Variants in KCNQ1 observed in about 807,000 individuals in gnomAD.
KCNQ1 encodes the protein potassium voltage-gated channel subfamily Q member 1.
A neutral mutation model predicts 72.4 loss-of-function variants in KCNQ1; 49 were observed. The ratio of observed to expected loss-of-function variants is 0.68; its 90% CI spans 0.54 to 0.86. The LOEUF is 0.86. Among genes scored for constraint, KCNQ1 ranks in the 40% least tolerant of loss-of-function variants. The pLI, the probability that KCNQ1 is intolerant of heterozygous loss-of-function variation, is 0.00. For synonymous variants in KCNQ1, 450 were observed against 412.6 expected (o/e 1.09, Z -1.10); for missense variants, 790 against 945.1 (o/e 0.84, Z 2.15).
At chr11:2,802,103 G>A (rs1019425738) in intron 15 of KCNQ1, among the ~76,000 whole-genome samples, 1 of 152,220 alleles carries the variant, frequency 6.6e-6, no homozygotes, top group Non-Finnish European at 1.5e-5. Context: ...GGCCCAGGAC[G>A]TGCTGAGGGT....
At chr11:2,718,008 A>G (rs930451752) in intron 11 of KCNQ1, among the ~76,000 whole-genome samples, 13 of 152,356 alleles carry the variant, frequency 8.5e-5, no homozygotes, top group Admixed American at 7.2e-4. Flanking sequence ...CTGTCGCAGA[A>G]GTGAACCTTG....
At chr11:2,802,888 C>A (rs1334121308) in intron 15 of KCNQ1, among the ~76,000 whole-genome samples, 1 of 152,206 alleles carries the variant, frequency 6.6e-6, no homozygotes, top group African/African-American at 2.4e-5. Flanking sequence ...AAGCCCCCAG[C>A]CCCAGCAGAC....
chr11:2,480,243 C>T (rs1327122204), intron 1 of KCNQ1, among the ~76,000 whole-genome samples: 3 of 152,288 alleles, frequency 2.0e-5, no homozygotes, highest in Non-Finnish European at 2.9e-5. Context: ...ATCTTTACAG[C>T]CGCACCCCAC....
chr11:2,550,666 A>C lies in KCNQ1; in HGVS notation c.478-19962A>C, dbSNP rs1026913071. 2.0e-5 allele frequency among the ~76,000 whole-genome samples: 3 copies of C among 152,150 alleles called. No individual in the cohort carries two copies. The highest frequency in any genetic ancestry group is 7.2e-5 in the African/African-American group (3 of 41,422). ...GTGCTGGGGTGGCGAGTTGAGGGCC[A>C]ACAGAGATGGTGTCCCGGCTGATGT... On this transcript the variant is annotated intron_variant, in intron 2 of 15. Coordinates refer to ENST00000155840, the MANE Select transcript of KCNQ1 (RefSeq NM_000218.3). This position sits in a 1 kb window ranked among gnomAD's most constrained non-coding sequence, Gnocchi z 6.0.
Position 2,752,654 on chromosome 11 carries a change from A to C in KCNQ1, c.1515-16190A>C, listed in dbSNP as rs546733880. Among the ~76,000 whole-genome samples, 1 of 152,054 alleles carries C rather than the reference A, an allele frequency of 6.6e-6. No individual in the cohort carries two copies. Among genetic ancestry groups the C allele is most frequent in the African/African-American group, 2.4e-5 (1 of 41,388 alleles). On this transcript the variant is annotated intron_variant, in intron 11 of 15. Coordinates refer to ENST00000155840, the MANE Select transcript of KCNQ1 (RefSeq NM_000218.3). This position sits in a 1 kb window ranked among gnomAD's most constrained non-coding sequence, Gnocchi z 5.2. The stretch of plus-strand genomic sequence containing the variant: ...ACAAGCTCCCTCAGGCCTCCTTTCC[A>C]AGGGCACGCATCCTCTTCCTGAAGG...
chr11:2,615,387 C>CTGTT (rs1385429934), intron 10 of KCNQ1: 1 of 397,746 alleles, frequency 2.5e-6, no homozygotes, highest in South Asian at 1.3e-4. Flanking sequence ...ATTCATTTAC[C>CTGTT]TGTTTGTTTA....
chr11:2,715,813 C>T lies in KCNQ1; in HGVS notation c.1515-53031C>T, dbSNP rs975155381. On this transcript the variant is annotated intron_variant, in intron 11 of 15. Coordinates refer to ENST00000155840, the MANE Select transcript of KCNQ1 (RefSeq NM_000218.3). The surrounding 1 kb of genome is among the most constrained non-coding windows in gnomAD (Gnocchi z 4.9). ...GGAGCAGCCCCGCATCCCACATCCC[C>T]GCAGCCTTGCGCTGGTCTAAATGCC... 1.1e-4 allele frequency among the ~76,000 whole-genome samples: 16 copies of T among 152,352 alleles called. No homozygotes were observed. The highest frequency in any genetic ancestry group is 3.4e-3 in the Middle Eastern group (1 of 294).
intron 1 of KCNQ1, among the ~76,000 whole-genome samples, chr11:2,470,492 C>T (rs531860181): frequency 5.3e-5 from 8 of 152,200 alleles, no homozygotes; most frequent in South Asian, 2.1e-4. Context: ...TATCTCGTCT[C>T]GCCTTTGTTC....
chr11:2,793,013 C>T (rs1297750107), intron 15 of KCNQ1, among the ~76,000 whole-genome samples: 1 of 152,152 alleles, frequency 6.6e-6, no homozygotes, highest in Non-Finnish European at 1.5e-5. Context: ...AAGGTGGCTG[C>T]CTGTCTGCTG....
intron 6 of KCNQ1, among the ~76,000 whole-genome samples, chr11:2,574,969 G>T (rs1006575999): frequency 6.6e-6 from 1 of 152,168 alleles, no homozygotes; most frequent in Non-Finnish European, 1.5e-5. Flanking sequence ...GGGCGTGCTC[G>T]GGGGATGGAC....
intron 11 of KCNQ1, chr11:2,675,010 G>A (rs541240244): frequency 1.0e-5 from 4 of 398,446 alleles, no homozygotes; most frequent in Admixed American, 4.4e-5. Flanking sequence ...GCTTCTTCCC[G>A]CCTGACTTCT....
rs913087462 is a variant in KCNQ1 at position 2,541,540 on chromosome 11, C to T, written c.477+13522C>T. Among the ~76,000 whole-genome samples, 2 of 151,860 alleles carry T rather than the reference C, an allele frequency of 1.3e-5. No homozygotes were observed. Among genetic ancestry groups the T allele is most frequent in the African/African-American group, 2.4e-5 (1 of 41,320 alleles). ...TACCCAGCCAGGTCCCTGGACCTGG[C>T]GGTGGCTATGAAAGCCTGGGATTGA... On this transcript the variant is annotated intron_variant, in intron 2 of 15. Transcript: ENST00000155840. The surrounding 1 kb of genome is among the most constrained non-coding windows in gnomAD (Gnocchi z 4.8).
intron 15 of KCNQ1, among the ~76,000 whole-genome samples, chr11:2,846,661 G>T (rs915564664): frequency 2.6e-4 from 39 of 152,334 alleles, no homozygotes; most frequent in Non-Finnish European, 4.9e-4. Context: ...CAGGGTGCCG[G>T]CCTGCCGGCC....
rs777051914 is a variant in KCNQ1 at position 2,826,233 on chromosome 11, G to A, written c.1795-21534G>A. ...GCTGCATTTTAAGGCTACATTTCAC[G>A]TCAGCTGTGACTTGGAAGGAAAGAG... On this transcript the variant is annotated intron_variant, in intron 15 of 15. Transcript: ENST00000155840. This position sits in a 1 kb window ranked among gnomAD's most constrained non-coding sequence, Gnocchi z 4.2. Among the ~76,000 whole-genome samples the A allele has an allele frequency of 1.7e-4, 26 of 152,318 alleles. No homozygotes were observed. Among genetic ancestry groups the A allele is most frequent in the African/African-American group, 2.6e-4 (11 of 41,572 alleles).
chr11:2,629,892 T>G (rs1849325434), intron 10 of KCNQ1: 1 of 398,314 alleles, frequency 2.5e-6, no homozygotes. Flanking sequence ...ACTTCCTTCT[T>G]TCTGATTTGA....
At chr11:2,660,208 T>C (rs1001715726) in intron 10 of KCNQ1, 7 of 398,276 alleles carry the variant, frequency 1.8e-5, no homozygotes, top group African/African-American at 4.1e-5. Flanking sequence ...AGTAAGTTTG[T>C]ATGTAGTACC....
rs1017953056 is a variant in KCNQ1, at chr11:2,803,846, G to A, written c.1794+25809G>A. Among the ~76,000 whole-genome samples, 4 of 151,980 alleles carry A rather than the reference G, an allele frequency of 2.6e-5. No individual in the cohort carries two copies. Among genetic ancestry groups the A allele is most frequent in the African/African-American group, 4.8e-5 (2 of 41,362 alleles). The stretch of plus-strand genomic sequence containing the variant: ...GCTATGCCCATGGACCCCAGGGTCA[G>A]CTTTTATGCACACTCAGGTACTCAG... On this transcript the variant is annotated intron_variant, in intron 15 of 15. Transcript: ENST00000155840. This position sits in a 1 kb window ranked among gnomAD's most constrained non-coding sequence, Gnocchi z 6.4.
intron 1 of KCNQ1, among the ~76,000 whole-genome samples, chr11:2,445,704 G>T (rs985041671): frequency 1.4e-4 from 22 of 152,220 alleles, no homozygotes; most frequent in Admixed American, 3.9e-4. Flanking sequence ...GCCCGGCGTG[G>T]GGAGGGAGCC....
chr11:2,798,108 C>G (rs938650596), intron 15 of KCNQ1, among the ~76,000 whole-genome samples: 2 of 152,184 alleles, frequency 1.3e-5, no homozygotes, highest in Admixed American at 1.3e-4. Flanking sequence ...TGAGAGCAGC[C>G]CCTTTTCCCA....
Sources: gnomAD v4.1 joint callset for allele counts (sites outside exome capture counted in the v4.1 genomes callset) on GRCh38, gnomAD v4.1.1 for gene constraint, Gnocchi (gnomAD v3.1) non-coding constraint, MANE v1.5 for transcripts, NCBI Gene and HGNC (gene_info 2026-07-23, HGNC 2026-07-21) for gene names.